Variants in ARHGAP44 observed in about 807,000 individuals in gnomAD.
ARHGAP44 encodes the protein rho GTPase-activating protein 44.
ARHGAP44 carries 43 observed loss-of-function variants against 106.8 expected under a neutral mutation model. That is an observed-to-expected ratio of 0.40 (90% CI 0.32 to 0.52). ARHGAP44 has a LOEUF of 0.52. Among genes scored for constraint, ARHGAP44 ranks in the 20% least tolerant of loss-of-function variants. ARHGAP44 has a pLI of 0.48. For synonymous variants in ARHGAP44, 439 were observed against 410.3 expected (o/e 1.07, Z -0.85); for missense variants, 866 against 1,050.5 (o/e 0.82, Z 2.43).
intron 13 of ARHGAP44, among the ~76,000 whole-genome samples, chr17:12,952,926 C>T (rs1385226112): frequency 1.3e-5 from 2 of 151,760 alleles, no homozygotes; most frequent in Non-Finnish European, 2.9e-5. Flanking sequence ...AGGTCCCAAG[C>T]CACCCTGTGA....
At chr17:12,880,693 GTGGTAGTGAAATC>G (rs2036703678) in intron 1 of ARHGAP44, among the ~76,000 whole-genome samples, 1 of 91,754 alleles carries the variant, frequency 1.1e-5, no homozygotes, top group Non-Finnish European at 2.7e-5. Flanking sequence ...AAATCAACTA[GTGGTAGTGAAATC>G]AACTTAATGA....
At chr17:12,920,180 C>T (rs923022049) in intron 6 of ARHGAP44, among the ~76,000 whole-genome samples, 2 of 151,990 alleles carry the variant, frequency 1.3e-5, no homozygotes, top group Non-Finnish European at 2.9e-5. Flanking sequence ...TCGAGACCAT[C>T]CTGGCTAACA....
At chr17:12,985,116 T>TTATGGGATCTCTCTCGGTC (rs1242059705) in intron 20 of ARHGAP44, 12 of 604,886 alleles carry the variant, frequency 2.0e-5, no homozygotes, top group Non-Finnish European at 3.0e-5. Flanking sequence ...CAGGGGCTTC[T>TTATGGGATCTCTCTCGGTC]TATGGGATCT....
intron 3 of ARHGAP44, among the ~76,000 whole-genome samples, chr17:12,899,768 TTTGAGCACATGTAAGTTGCTGC>T (rs2037319758): frequency 6.6e-6 from 1 of 152,166 alleles, no homozygotes; most frequent in African/African-American, 2.4e-5. Flanking sequence ...CTGCTTTTTA[TTTGAGCACATGTAAGTTGCTGC>T]TTGAGCACAT....
intron 1 of ARHGAP44, among the ~76,000 whole-genome samples, chr17:12,870,180 C>G (rs900487285): frequency 2.0e-5 from 3 of 151,000 alleles, no homozygotes; most frequent in African/African-American, 7.3e-5. Flanking sequence ...TCCCAAGTAG[C>G]TGAGACTACA....
rs4402609 is a variant in ARHGAP44, at chr17:12,900,809, G to A, written c.198+4298G>A. The stretch of plus-strand genomic sequence containing the variant: ...GGTGGGAGGTTTCCATAAGGAAGTG[G>A]CCGTTAAGGACAGGTGAAAGGTAGC... On this transcript the variant is annotated intron_variant, in intron 3 of 20. Transcript: ENST00000379672. Among the ~76,000 whole-genome samples, 536 of 152,144 alleles carry A rather than the reference G, an allele frequency of 3.5e-3. 4 individuals carry two copies. The highest frequency in any genetic ancestry group is 0.012 in the African/African-American group (513 of 41,518).
At chr17:12,857,942 C>G (rs1453573396) in intron 1 of ARHGAP44, among the ~76,000 whole-genome samples, 1 of 152,200 alleles carries the variant, frequency 6.6e-6, no homozygotes, top group East Asian at 1.9e-4. Flanking sequence ...GCTAGACCAC[C>G]TTAGCCACTA....
intron 6 of ARHGAP44, among the ~76,000 whole-genome samples, chr17:12,926,257 C>T (rs2038224984): frequency 6.6e-6 from 1 of 151,422 alleles, no homozygotes; most frequent in African/African-American, 2.4e-5. Context: ...CCCAGCTACT[C>T]GGGAGGCTGA....
chr17:12,902,230 T>TGCTCA (rs1324819598), intron 3 of ARHGAP44, among the ~76,000 whole-genome samples: 1 of 152,142 alleles, frequency 6.6e-6, no homozygotes, highest in Non-Finnish European at 1.5e-5. Flanking sequence ...TCTTCAGCTG[T>TGCTCA]GCTCACCTGG....
At chr17:12,885,690 C>G (rs2036862741) in intron 1 of ARHGAP44, among the ~76,000 whole-genome samples, 1 of 152,126 alleles carries the variant, frequency 6.6e-6, no homozygotes, top group Non-Finnish European at 1.5e-5. Context: ...ATTCTGATTT[C>G]TAGCCCATTT....
intron 3 of ARHGAP44, among the ~76,000 whole-genome samples, chr17:12,907,200 A>G (rs2037577379): frequency 6.6e-6 from 1 of 152,192 alleles, no homozygotes; most frequent in African/African-American, 2.4e-5. Context: ...GGAAGACCTG[A>G]GAAGGTGCTA....
intron 1 of ARHGAP44, among the ~76,000 whole-genome samples, chr17:12,793,034 A>G (rs911301096): frequency 6.6e-6 from 1 of 152,174 alleles, no homozygotes; most frequent in Non-Finnish European, 1.5e-5. Context: ...CTCCCTGGCC[A>G]CTGTGTGCCT....
In ARHGAP44 at chr17:12,896,373, C is replaced by G. The variant is rs774542227; in HGVS notation, c.94-34C>G. On this transcript the variant is annotated intron_variant, in intron 2 of 20. Transcript: ENST00000379672. ...ATCCCTCCTCCCCTGACCTTGCCCT[C>G]TCTCAGTGGCACCACCCGCTCTTCT... 123 of 1,553,178 alleles carry G rather than the reference C, an allele frequency of 7.9e-5. No homozygotes were observed. The Middle Eastern group carries it at 8.4e-4, about 11-fold the overall frequency.
chr17:12,904,924 C>T (rs1045097535), intron 3 of ARHGAP44, among the ~76,000 whole-genome samples: 34 of 152,128 alleles, frequency 2.2e-4, no homozygotes, highest in African/African-American at 7.2e-4. Context: ...ATTTTTGAGA[C>T]GGAGTCTCAC....
intron 1 of ARHGAP44, among the ~76,000 whole-genome samples, chr17:12,805,092 A>G (rs1040855058): frequency 6.6e-6 from 1 of 152,216 alleles, no homozygotes. Flanking sequence ...TGATGAGAAT[A>G]TAATTGAGTT....
At chr17:12,965,494 A>C (rs1398931688) in intron 16 of ARHGAP44, among the ~76,000 whole-genome samples, 1 of 152,232 alleles carries the variant, frequency 6.6e-6, no homozygotes, top group Non-Finnish European at 1.5e-5. Context: ...AGTAATTTGG[A>C]AAAGGCACAC....
At chr17:12,961,161 A>G (rs1286588826) in intron 16 of ARHGAP44, among the ~76,000 whole-genome samples, 2 of 152,100 alleles carry the variant, frequency 1.3e-5, no homozygotes, top group African/African-American at 2.4e-5. Flanking sequence ...GCGCACTCCA[A>G]ATGGCCTCTG....
intron 13 of ARHGAP44, among the ~76,000 whole-genome samples, chr17:12,955,585 G>T (rs184859570): frequency 1.3e-5 from 2 of 152,142 alleles, no homozygotes; most frequent in African/African-American, 4.8e-5. Context: ...GGCACTTCAG[G>T]TCATTATATA....
intron 3 of ARHGAP44, among the ~76,000 whole-genome samples, chr17:12,897,860 A>G (rs957656018): frequency 6.6e-6 from 1 of 152,034 alleles, no homozygotes; most frequent in African/African-American, 2.4e-5. Flanking sequence ...GATTAGTACT[A>G]ACATTATTTT....
Sources: gnomAD v4.1 joint callset for allele counts (sites outside exome capture counted in the v4.1 genomes callset) on GRCh38, gnomAD v4.1.1 for gene constraint, MANE v1.5 for transcripts, NCBI Gene and HGNC (gene_info 2026-07-23, HGNC 2026-07-21) for gene names.